Variants in ULK4 observed in about 807,000 individuals in gnomAD.
The protein encoded by ULK4 is unc-51 like kinase 4, also known as inactive serine/threonine-protein kinase ULK4.
A neutral mutation model predicts 160.6 loss-of-function variants in ULK4; 133 were observed. The observed-to-expected ratio is 0.83, with a 90% CI of 0.72 to 0.96. ULK4 has a LOEUF of 0.96. Ranked by LOEUF, ULK4 falls within the 40% of genes least tolerant of loss-of-function variation. The pLI, the probability that ULK4 is intolerant of heterozygous loss-of-function variation, is 0.00. For missense variants in ULK4, 1,580 were observed against 1,499.5 expected (o/e 1.05, Z -0.89); for synonymous variants, 534 against 539.8 (o/e 0.99, Z 0.15).
Position 41,858,147 on chromosome 3 carries a change from G to GTTTTTTTTTTTTTT in ULK4, c.1657-22190_1657-22177dup, listed in dbSNP as rs71288052. Among the ~76,000 whole-genome samples the GTTTTTTTTTTTTTT allele has an allele frequency of 7.4e-3, 681 of 91,678 alleles. 4 individuals are homozygous for GTTTTTTTTTTTTTT. Among genetic ancestry groups the GTTTTTTTTTTTTTT allele is most frequent in the East Asian group, 0.011 (28 of 2,506 alleles). The allele number at this position is 91,678 out of a possible 152,430, so 60.1% of individuals were successfully genotyped here. A position where few individuals can be genotyped will look rare whatever the true frequency, so the allele number is the denominator to read the frequency against. ...GTATCCCATAGGGTTTTTTTTGTTT[G>GTTTTTTTTTTTTTT]TTTTTTTTTTTTTTTTTTTTTTTGG... On this transcript the variant is annotated intron_variant, in intron 17 of 36. Coordinates refer to ENST00000301831, the MANE Select transcript of ULK4 (RefSeq NM_017886.4).
rs148882703 is a variant in ULK4 at position 41,322,127 on chromosome 3, G to T, written c.3679-72553C>A. Among the ~76,000 whole-genome samples the T allele has an allele frequency of 6.2e-5, 9 of 144,442 alleles. 2 individuals carry two copies. Among genetic ancestry groups the T allele is most frequent in the Non-Finnish European group, 7.5e-5 (5 of 66,574 alleles). 94.8% of individuals were successfully genotyped at this position (144,442 alleles called of 152,430 possible). A position where few individuals can be genotyped will look rare whatever the true frequency, so the allele number is the denominator to read the frequency against. ...GCTCACTACAACCTCCACCTCCTGG[G>T]TTCAAGCAGTTGTTGTGCCTCAGCC... On this transcript the variant is annotated intron_variant, in intron 35 of 36. Coordinates refer to ENST00000301831, the MANE Select transcript of ULK4 (RefSeq NM_017886.4).
intron 35 of ULK4, among the ~76,000 whole-genome samples, chr3:41,392,158 C>T (rs888907870): frequency 2.0e-5 from 3 of 152,070 alleles, no homozygotes; most frequent in East Asian, 1.9e-4. Context: ...GAAAGGTAAA[C>T]TTGGGAGACA....
intron 27 of ULK4, among the ~76,000 whole-genome samples, chr3:41,691,359 T>G (rs897689737): frequency 1.3e-5 from 2 of 151,888 alleles, no homozygotes; most frequent in Admixed American, 6.6e-5. Context: ...AACCACAAAC[T>G]TGAGTCTCTC....
At chr3:41,486,708 C>G (rs918178691) in intron 32 of ULK4, among the ~76,000 whole-genome samples, 2 of 152,162 alleles carry the variant, frequency 1.3e-5, no homozygotes, top group Admixed American at 1.3e-4. Context: ...TGACAAAGTC[C>G]TGACCAATTT....
chr3:41,741,985 C>T (rs2038254201), intron 22 of ULK4, among the ~76,000 whole-genome samples: 2 of 151,886 alleles, frequency 1.3e-5, no homozygotes, highest in Non-Finnish European at 2.9e-5. Context: ...TAAGAAAAGC[C>T]TATTTTCCCT....
At chr3:41,686,786 T>C (rs1332829977) in intron 27 of ULK4, among the ~76,000 whole-genome samples, 1 of 152,132 alleles carries the variant, frequency 6.6e-6, no homozygotes, top group Non-Finnish European at 1.5e-5. Context: ...AAAGGAGCTC[T>C]TGGAAACACA....
chr3:41,828,953 G>T (rs1241683243), intron 18 of ULK4, among the ~76,000 whole-genome samples: 1 of 150,588 alleles, frequency 6.6e-6, no homozygotes. Context: ...CAGAGATATA[G>T]ATCAATGGAA....
intron 35 of ULK4, among the ~76,000 whole-genome samples, chr3:41,305,842 C>T (rs1182577268): frequency 1.4e-5 from 2 of 145,686 alleles, no homozygotes; most frequent in Non-Finnish European, 3.0e-5. Flanking sequence ...CGCCCATAGT[C>T]TGAGATGTGG....
intron 21 of ULK4, among the ~76,000 whole-genome samples, chr3:41,772,556 T>A (rs2039432013): frequency 6.6e-6 from 1 of 152,040 alleles, no homozygotes; most frequent in East Asian, 1.9e-4. Flanking sequence ...AATAACAGGA[T>A]CTGAAATTGC....
intron 31 of ULK4, among the ~76,000 whole-genome samples, chr3:41,566,441 C>T (rs2087786522): frequency 6.6e-6 from 1 of 152,158 alleles, no homozygotes; most frequent in Non-Finnish European, 1.5e-5. Context: ...ATGTAGAACT[C>T]AGAAGATCAT....
At chr3:41,647,789 G>GC (rs1219950181) in intron 30 of ULK4, among the ~76,000 whole-genome samples, 6 of 152,322 alleles carry the variant, frequency 3.9e-5, no homozygotes, top group African/African-American at 1.4e-4. Context: ...TCTGTGCCCT[G>GC]CCCCCAGGGG....
intron 34 of ULK4, among the ~76,000 whole-genome samples, chr3:41,412,302 G>A (rs1354677316): frequency 6.6e-6 from 1 of 151,668 alleles, no homozygotes; most frequent in Non-Finnish European, 1.5e-5. Context: ...TAAATGGAAA[G>A]CTATACCTTG....
At chr3:41,681,968 A>G (rs2125791257) in intron 27 of ULK4, among the ~76,000 whole-genome samples, 164 bp from the exon 28 acceptor site, 1 of 152,344 alleles carries the variant, frequency 6.6e-6, no homozygotes, top group East Asian at 1.9e-4. Flanking sequence ...TTAATAAACC[A>G]CCAAGCTCAT....
intron 27 of ULK4, among the ~76,000 whole-genome samples, chr3:41,688,687 T>C (rs1262950582): frequency 6.6e-6 from 1 of 152,216 alleles, no homozygotes; most frequent in South Asian, 2.1e-4. Flanking sequence ...AATAAAACCG[T>C]CAGCCCTGTG....
chr3:41,609,447 C>G (rs1023082424), intron 31 of ULK4, among the ~76,000 whole-genome samples: 2 of 152,012 alleles, frequency 1.3e-5, no homozygotes, highest in African/African-American at 4.8e-5. Flanking sequence ...TTATACAAAT[C>G]CATTTTCATT....
chr3:41,318,214 T>C (rs890387629), intron 35 of ULK4, among the ~76,000 whole-genome samples: 1 of 152,118 alleles, frequency 6.6e-6, no homozygotes, highest in African/African-American at 2.4e-5. Flanking sequence ...TAAATAGTAA[T>C]AGATGGCATT....
chr3:41,305,562 G>C (rs1231705489), intron 35 of ULK4, among the ~76,000 whole-genome samples: 1 of 152,190 alleles, frequency 6.6e-6, no homozygotes, highest in East Asian at 1.9e-4. Context: ...CGTGATCTCG[G>C]CTCGCTACAA....
chr3:41,332,631 G>A (rs1323266197), intron 35 of ULK4, among the ~76,000 whole-genome samples: 1 of 152,164 alleles, frequency 6.6e-6, no homozygotes, highest in Non-Finnish European at 1.5e-5. Flanking sequence ...AAAATTTAAA[G>A]AATCTTATAT....
intron 32 of ULK4, among the ~76,000 whole-genome samples, chr3:41,506,778 A>AAATATATG (rs2085402906): frequency 9.1e-6 from 1 of 109,310 alleles, no homozygotes; most frequent in South Asian, 3.2e-4. Flanking sequence ...ATATATATAT[A>AAATATATG]TATATATATA....
Sources: allele counts gnomAD v4.1 joint callset (sites outside exome capture counted in the v4.1 genomes callset), GRCh38; gene constraint gnomAD v4.1.1; transcripts MANE v1.5; gene names NCBI Gene and HGNC (gene_info 2026-07-23, HGNC 2026-07-21).